The following GSN variants were observed in gnomAD, a reference collection of about 807,000 sequenced individuals.
GSN encodes actin-depolymerizing factor.
A neutral mutation model predicts 85.7 loss-of-function variants in GSN; 56 were observed. That is an observed-to-expected ratio of 0.65 (90% confidence interval 0.53 to 0.82). The LOEUF (loss-of-function observed/expected upper bound fraction) is 0.82. Among genes scored for constraint, GSN ranks in the 40% least tolerant of loss-of-function variants. The probability of loss-of-function intolerance (pLI) is 0.00; values close to 1 mark genes in which losing one functional copy is unlikely to be tolerated. For synonymous variants in GSN, 373 were observed against 399.1 expected, an observed-to-expected ratio of 0.93 and a Z score of 0.78; for missense variants, 857 against 979.8, an observed-to-expected ratio of 0.87 and a Z score of 1.67.
chr9:121,301,816 C>T (rs2059894423), intron 2 of GSN, 147 bp from the exon 3 acceptor site: 1 of 1,299,094 alleles, frequency 7.7e-7, no homozygotes, highest in Admixed American at 1.9e-5. Flanking sequence ...ACAGGGTGCC[C>T]AGAAGGGGAT....
At chr9:121,321,522 C>T in intron 11 of GSN, 121 bp downstream of exon 11, 1 of 880,780 alleles carries the variant, frequency 1.1e-6, no homozygotes, top group East Asian at 2.5e-5. Context: ...CTGGGAGAGG[C>T]TTTTGTCCAC....
At chr9:121,244,882 TTCCCATAGCAAAA>T (rs1438865506) in intron 5 of GSN, among the ~76,000 whole-genome samples, 1 of 152,188 alleles carries the variant, frequency 6.6e-6, no homozygotes, top group East Asian at 1.9e-4. Flanking sequence ...TAATAAAATA[TTCCCATAGCAAAA>T]GGGAAAGAAT....
At chr9:121,282,518 C>T (rs981311746) in intron 2 of GSN, 2 of 1,255,332 alleles carry the variant, frequency 1.6e-6, no homozygotes, top group Non-Finnish European at 2.0e-6. Flanking sequence ...GAGCCACCCA[C>T]AGCCGGAGCT....
At position 121,287,118 on chromosome 9, in the gene GSN, C is replaced by T. The variant is rs907986664; in HGVS notation, c.-10+5556C>T. ...TTCTCCCTCCCCTCCCTCTCTTGGC[C>T]CCCTGGGCCTATTCTCTTCCCCAGA... On this transcript the variant is annotated intron_variant, in intron 2 of 17. Coordinates refer to ENST00000432226, the MANE Select transcript of GSN (RefSeq NM_198252.3). 2.7e-4 allele frequency among the ~76,000 whole-genome samples: 41 copies of T among 152,188 alleles called. 1 individual carries two copies. Among genetic ancestry groups the T allele is most frequent in the African/African-American group, 9.2e-4 (38 of 41,500 alleles).
intron 1 of GSN, among the ~76,000 whole-genome samples, chr9:121,271,177 T>G (rs1460649983): frequency 1.3e-5 from 2 of 152,186 alleles, no homozygotes; most frequent in Non-Finnish European, 2.9e-5. Flanking sequence ...GAGACCAGCC[T>G]GGTCAACATG....
In GSN at chr9:121,327,396, C is replaced by T; in HGVS notation, c.1676C>T (p.Ala559Val). ...GCCTACCTGTGGGTGGGTACAGGAG[C>T]CAGCGAGGCAGAGAAGACGGGGGCC... ...SAAYLWVGTGASEAEKTGAQE... is the reference protein window; with the variant it reads ...SAAYLWVGTGVSEAEKTGAQE... Residue 559 changes from alanine (A) to valine (V), a missense_variant, in exon 14 of 18, where the codon GCC (alanine) becomes GTC (valine). Physicochemically the swap from Ala to Val is moderately conservative, Grantham distance 64. Transcript: ENST00000432226. 1 of 1,613,362 alleles carries T rather than the reference C, an allele frequency of 6.2e-7. No homozygotes were observed. Among genetic ancestry groups the T allele is most frequent in the Non-Finnish European group, 8.5e-7 (1 of 1,179,640 alleles).
At chr9:121,267,021 T>C (rs986694340), upstream of GSN, among the ~76,000 whole-genome samples, 8 of 152,184 alleles carry the variant, frequency 5.3e-5, no homozygotes, top group African/African-American at 1.9e-4. Context: ...CTGACTCTAG[T>C]ACATTTTACC....
At chr9:121,231,933 G>T (rs2054397438) in intron 5 of GSN, among the ~76,000 whole-genome samples, 1 of 152,118 alleles carries the variant, frequency 6.6e-6, no homozygotes, top group Non-Finnish European at 1.5e-5. Context: ...CAGTCATGGT[G>T]GCGGGTGCCT....
intron 16 of GSN, 53 bp from the exon 17 acceptor site, chr9:121,331,335 G>C (rs927239402): frequency 1.7e-6 from 2 of 1,181,436 alleles, no homozygotes; most frequent in African/African-American, 1.5e-5. Context: ...TCCTCCAGCC[G>C]TGAATTTGAT....
At chr9:121,326,468 C>T (rs1187715257) in intron 12 of GSN, 44 bp from the exon 13 acceptor site, 1 of 1,545,960 alleles carries the variant, frequency 6.5e-7, no homozygotes, top group South Asian at 1.1e-5. Flanking sequence ...AGGACTGAAG[C>T]CTGCCCCCAA....
At chr9:121,237,328 G>A (rs748086881) in intron 5 of GSN, among the ~76,000 whole-genome samples, 21 of 152,160 alleles carry the variant, frequency 1.4e-4, no homozygotes, top group Admixed American at 7.2e-4. Context: ...TTGGGAGGCC[G>A]AGGAGGGAGG....
chr9:121,271,532 G>A (rs1422268211), intron 1 of GSN, among the ~76,000 whole-genome samples: 1 of 152,190 alleles, frequency 6.6e-6, no homozygotes, highest in Non-Finnish European at 1.5e-5. Flanking sequence ...GCTATTGGGT[G>A]ATGGTGCAAG....
chr9:121,289,414 T>C (rs1210200319), intron 2 of GSN, among the ~76,000 whole-genome samples: 1 of 152,190 alleles, frequency 6.6e-6, no homozygotes, highest in Non-Finnish European at 1.5e-5. Context: ...TCCTCTAAGC[T>C]GTCCTCCCTC....
At chr9:121,285,739 T>A (rs1239610714) in intron 2 of GSN, among the ~76,000 whole-genome samples, 5 of 152,014 alleles carry the variant, frequency 3.3e-5, no homozygotes, top group Non-Finnish European at 7.4e-5. Flanking sequence ...AAGTTAAAAA[T>A]GGCATCATGT....
chr9:121,277,902 T>A (rs1217470113), intron 1 of GSN, among the ~76,000 whole-genome samples: 1 of 149,006 alleles, frequency 6.7e-6, no homozygotes, highest in African/African-American at 2.5e-5. Context: ...TTTAAAGTGT[T>A]GTTAAAAAAC....
At chr9:121,298,182 C>A (rs781214768) in intron 2 of GSN, among the ~76,000 whole-genome samples, 36 of 152,242 alleles carry the variant, frequency 2.4e-4, no homozygotes, top group Middle Eastern at 3.4e-3. Context: ...CCTCTGCAGC[C>A]TCCTCTGCTC....
intron 5 of GSN, among the ~76,000 whole-genome samples, chr9:121,241,927 G>A (rs1487696793): frequency 6.6e-6 from 1 of 152,188 alleles, no homozygotes; most frequent in African/African-American, 2.4e-5. Context: ...TAGAGTGAAA[G>A]GTTTTGGACT....
intron 4 of GSN, among the ~76,000 whole-genome samples, chr9:121,221,138 C>T (rs923184880): frequency 2.6e-5 from 4 of 152,202 alleles, no homozygotes; most frequent in African/African-American, 9.6e-5. Flanking sequence ...GGCGCCTCGG[C>T]CCAGTCCGAG....
At chr9:121,247,268 G>T (rs2054718080) in intron 5 of GSN, among the ~76,000 whole-genome samples, 1 of 152,144 alleles carries the variant, frequency 6.6e-6, no homozygotes, top group Non-Finnish European at 1.5e-5. Context: ...GGTGCTCAGG[G>T]AAAGAAAGGC....
Sources: gnomAD v4.1 joint callset for allele counts (sites outside exome capture counted in the v4.1 genomes callset) on GRCh38, gnomAD v4.1.1 for gene constraint, MANE v1.5 for transcripts, NCBI Gene and HGNC (gene_info 2026-07-23, HGNC 2026-07-21) for gene names.